COL8A1: variants seen among roughly 807,000 people sequenced by gnomAD.
COL8A1 encodes collagen alpha-1(VIII) chain.
COL8A1 carries 21 observed loss-of-function variants against 42.7 expected under a neutral mutation model. That is an observed-to-expected ratio of 0.49 (90% CI 0.35 to 0.71). The LOEUF is 0.71. Among genes scored for constraint, COL8A1 ranks in the 30% least tolerant of loss-of-function variants. The probability of loss-of-function intolerance (pLI) is 0.01; values close to 1 mark genes in which losing one functional copy is unlikely to be tolerated. For missense variants in COL8A1, 788 were observed against 962.4 expected (o/e 0.82, Z 2.40); for synonymous variants, 367 against 369.1 (o/e 0.99, Z 0.06).
At chr3:99,697,736 T>C (rs563822107) in intron 1 of COL8A1, among the ~76,000 whole-genome samples, 2 of 152,364 alleles carry the variant, frequency 1.3e-5, no homozygotes, top group African/African-American at 4.8e-5. Context: ...CCAATTTCTT[T>C]GGAAAAATTT....
chr3:99,736,662 A>C (rs994734780), intron 1 of COL8A1, among the ~76,000 whole-genome samples: 2 of 152,108 alleles, frequency 1.3e-5, no homozygotes, highest in Non-Finnish European at 2.9e-5. Context: ...GTATGTGGTC[A>C]ATTTTGGAAT....
At chr3:99,792,267 C>T (rs1942015487) in intron 3 of COL8A1, among the ~76,000 whole-genome samples, 1 of 152,200 alleles carries the variant, frequency 6.6e-6, no homozygotes, top group Non-Finnish European at 1.5e-5. Flanking sequence ...GCCTTTGGCA[C>T]TTCTTGTACT....
intron 3 of COL8A1, among the ~76,000 whole-genome samples, chr3:99,793,118 G>A (rs1247244547): frequency 1.3e-5 from 2 of 152,152 alleles, no homozygotes; most frequent in African/African-American, 4.8e-5. Flanking sequence ...GAGGCCTTGG[G>A]GTGGGGCAGG....
At chr3:99,669,274 A>G (rs1313498072) in intron 1 of COL8A1, among the ~76,000 whole-genome samples, 1 of 151,874 alleles carries the variant, frequency 6.6e-6, no homozygotes, top group African/African-American at 2.4e-5. Context: ...AGAAAAGCAC[A>G]GGGGCAGTAG....
In COL8A1 at chr3:99,790,782, A is replaced by C. The variant is rs1307533301; in HGVS notation, c.100A>C (p.Lys34Gln). The change falls in exon 3 of 4, where the codon AAG becomes CAG. Residue 34 changes from lysine (K) to glutamine (Q), a missense_variant. By Grantham distance (53) the Lys-to-Gln change is moderately conservative. Coordinates refer to ENST00000652472, the MANE Select transcript of COL8A1 (RefSeq NM_020351.4). ...TCAGGCTGGTGCCTACTATGGGATCAAGCCGCTGCCACCTCAAATTCCTCC... is the reference window on the plus strand; with the variant it reads ...TCAGGCTGGTGCCTACTATGGGATCCAGCCGCTGCCACCTCAAATTCCTCC... Reference protein sequence around the residue: ...LIQAGAYYGIKPLPPQIPPQM... With the variant: ...LIQAGAYYGIQPLPPQIPPQM... 2 of 1,614,034 alleles carry C rather than the reference A, an allele frequency of 1.2e-6. No individual in the cohort carries two copies. The highest frequency in any genetic ancestry group is 1.7e-6 in the Non-Finnish European group (2 of 1,180,036).
Position 99,796,336 on chromosome 3 carries a change from G to A in COL8A1, c.*200G>A, listed in dbSNP as rs772017989. The A allele has an allele frequency of 1.5e-5, 7 of 459,098 alleles. No homozygotes were observed. The Admixed American group carries it at 1.9e-4, about 12-fold the overall frequency. The allele number at this position is 459,098 out of a possible 1,614,324, so 28.4% of individuals were successfully genotyped here. On this transcript the variant is annotated 3_prime_UTR_variant, in exon 4 of 4. Transcript: ENST00000652472. ...ACTCCACACAGCAGCCTGTAATTGCGAATGATGGGATAGAGTTATGTATCA... is the reference window on the plus strand; with the variant it reads ...ACTCCACACAGCAGCCTGTAATTGCAAATGATGGGATAGAGTTATGTATCA...
chr3:99,773,834 TATA>T (rs202230470), intron 2 of COL8A1, among the ~76,000 whole-genome samples: 83 of 81,068 alleles, frequency 1.0e-3, no homozygotes, highest in African/African-American at 2.9e-3. Context: ...TATATATATA[TATA>T]TTTTTTTTTT....
In COL8A1 at chr3:99,794,599, C is replaced by T; in HGVS notation, c.698C>T (p.Pro233Leu). The change falls in exon 4 of 4, where the codon CCT (proline) becomes CTT (leucine). Residue 233 changes from proline (P) to leucine (L), a missense_variant. By Grantham distance (98) the Pro-to-Leu change is moderately conservative. This residue lies in a region of COL8A1 where 421 missense variants were observed against 553.1 expected (regional missense o/e 0.76). Coordinates refer to ENST00000652472, the MANE Select transcript of COL8A1 (RefSeq NM_020351.4). This position sits in a 1 kb window ranked among gnomAD's most constrained non-coding sequence, Gnocchi z 4.3. The stretch of plus-strand genomic sequence containing the variant: ...CGAGGACCCAAAGGACTACCAGGAC[C>T]TCAAGGCCTTCGGGGTCCTAAAGGA... ...GDRGPKGLPG[P>L]QGLRGPKGDK... 1 of 1,613,626 alleles carries T rather than the reference C, an allele frequency of 6.2e-7. No homozygotes were observed. Among genetic ancestry groups the T allele is most frequent in the Non-Finnish European group, 8.5e-7 (1 of 1,179,802 alleles).
intron 1 of COL8A1, among the ~76,000 whole-genome samples, chr3:99,666,522 G>C (rs1938372774): frequency 6.6e-6 from 1 of 152,178 alleles, no homozygotes; most frequent in Admixed American, 6.5e-5. Flanking sequence ...CACATTCACA[G>C]TTTCACCAAC....
At chr3:99,743,910 A>G (rs539936477) in intron 1 of COL8A1, among the ~76,000 whole-genome samples, 2 of 152,246 alleles carry the variant, frequency 1.3e-5, no homozygotes, top group South Asian at 4.1e-4. Context: ...ATATTTTTTG[A>G]ACAGCAAATG....
In COL8A1 at chr3:99,738,168, G is replaced by C. The variant is rs1369416709; in HGVS notation, c.-128-6729G>C. On this transcript the variant is annotated intron_variant, in intron 1 of 3. Coordinates refer to ENST00000652472, the MANE Select transcript of COL8A1 (RefSeq NM_020351.4). Reference sequence around the variant, plus strand: ...TTTTCAACTTCTTTGCCTTTGGTTTGAATGTCCTCCCATAGCTCAGAGTAA... The same window carrying C: ...TTTTCAACTTCTTTGCCTTTGGTTTCAATGTCCTCCCATAGCTCAGAGTAA... Among the ~76,000 whole-genome samples, 2 of 152,118 alleles carry C rather than the reference G, an allele frequency of 1.3e-5. 1 individual carries two copies. Among genetic ancestry groups the C allele is most frequent in the Non-Finnish European group, 2.9e-5 (2 of 68,036 alleles).
chr3:99,733,937 T>G (rs1284724338), intron 1 of COL8A1, among the ~76,000 whole-genome samples: 1,655 of 152,238 alleles, frequency 0.011, 26 homozygotes, highest in African/African-American at 0.038. Context: ...TTTGGCTGCA[T>G]AAATGTCTTC....
At chr3:99,785,726 AAGAC>A (rs1248729205) in intron 2 of COL8A1, among the ~76,000 whole-genome samples, 1 of 152,168 alleles carries the variant, frequency 6.6e-6, no homozygotes, top group East Asian at 1.9e-4. Context: ...ACATGGAAGA[AAGAC>A]TGTGTGAAGA....
chr3:99,778,077 C>T (rs1941728064), intron 2 of COL8A1, among the ~76,000 whole-genome samples: 1 of 152,120 alleles, frequency 6.6e-6, no homozygotes, highest in African/African-American at 2.4e-5. Context: ...TGGAACTTTG[C>T]AAAGTGCTGT....
intron 1 of COL8A1, chr3:99,680,455 T>C (rs896685171): frequency 2.6e-5 from 4 of 152,348 alleles, no homozygotes; most frequent in Admixed American, 6.5e-5. Flanking sequence ...GCAATAAACA[T>C]ACATGTGCAT....
At chr3:99,676,231 A>G (rs1280226096) in intron 1 of COL8A1, among the ~76,000 whole-genome samples, 3 of 152,156 alleles carry the variant, frequency 2.0e-5, no homozygotes, top group African/African-American at 7.2e-5. Flanking sequence ...TAGCTTCGCC[A>G]GTGAATTTGA....
chr3:99,665,628 G>A (rs1009437274), intron 1 of COL8A1, among the ~76,000 whole-genome samples: 1 of 137,162 alleles, frequency 7.3e-6, no homozygotes, highest in African/African-American at 2.7e-5. Context: ...ATAGTGCCTT[G>A]TTTTGGAAGC....
At chr3:99,759,647 A>G (rs1941328433) in intron 2 of COL8A1, among the ~76,000 whole-genome samples, 1 of 152,220 alleles carries the variant, frequency 6.6e-6, no homozygotes, top group Non-Finnish European at 1.5e-5. Context: ...GTTTTTTTAG[A>G]CACACAATGA....
chr3:99,718,161 C>T (rs1245986486), intron 1 of COL8A1, among the ~76,000 whole-genome samples: 1 of 152,020 alleles, frequency 6.6e-6, no homozygotes, highest in African/African-American at 2.4e-5. Context: ...GTCCCCAAGA[C>T]TAGTCCACAC....
Sources: gnomAD v4.1 joint callset for allele counts (sites outside exome capture counted in the v4.1 genomes callset) on GRCh38, gnomAD v4.1.1 for gene constraint, gnomAD v4.1.1 regional missense constraint, Gnocchi (gnomAD v3.1) non-coding constraint, MANE v1.5 for transcripts, NCBI Gene and HGNC (gene_info 2026-07-23, HGNC 2026-07-21) for gene names.